The following SCN4A variants were observed in gnomAD, a reference collection of about 807,000 sequenced individuals.
SCN4A encodes the protein sodium channel protein type 4 subunit alpha.
Under a neutral mutation model 162.0 loss-of-function variants are expected in SCN4A, and 83 were observed. The ratio of observed to expected loss-of-function variants is 0.51; its 90% CI spans 0.43 to 0.61. SCN4A has a LOEUF of 0.61. SCN4A is among the 20% of genes least tolerant of loss of function. The pLI is 0.00. For missense variants in SCN4A, 2,196 were observed against 2,462.5 expected (o/e 0.89, Z 2.29); for synonymous variants, 944 against 985.1 (o/e 0.96, Z 0.78).
In SCN4A at chr17:63,961,181, G is replaced by GCCCCC; in HGVS notation, c.1845+11_1845+12insGGGGG. 1 of 382,308 alleles carries GCCCCC rather than the reference G, an allele frequency of 2.6e-6. No homozygotes were observed. The highest frequency in any genetic ancestry group is 2.2e-5 in the South Asian group (1 of 45,042). 23.7% of individuals were successfully genotyped at this position (382,308 alleles called of 1,614,324 possible). ...CTGCCCATGAATGATCCCCTCCCCC[G>GCCCCC]CCCCTCCCTACCAGGTTGCCCACAG... On this transcript the variant is annotated intron_variant, in intron 11 of 23. Coordinates refer to ENST00000435607, the MANE Select transcript of SCN4A (RefSeq NM_000334.4).
At chr17:63,971,912 G>GAC in intron 3 of SCN4A, 62 bp from the exon 4 acceptor site, 1 of 1,539,866 alleles carries the variant, frequency 6.5e-7, no homozygotes, top group South Asian at 1.1e-5. Flanking sequence ...GTGTGGCAAC[G>GAC]ACAGACCCCC....
intron 15 of SCN4A, 74 bp from the exon 16 acceptor site, chr17:63,948,839 G>C: frequency 2.9e-6 from 4 of 1,376,150 alleles, no homozygotes; most frequent in African/African-American, 1.4e-5. Context: ...CACAGTCAGC[G>C]CCCTCCCATG....
At chr17:63,948,795 C>A in intron 15 of SCN4A, 30 bp from the exon 16 acceptor site, 1 of 1,571,032 alleles carries the variant, frequency 6.4e-7, no homozygotes, top group Non-Finnish European at 8.7e-7. Context: ...CAGGGACAGG[C>A]ACCACATCAT....
Position 63,944,916 on chromosome 17 carries a change from C to A in SCN4A, c.3774+91G>T. ...ATCCACCCCCAGGGCTGCCAAGTCT[C>A]GGGGACAGAACGTGCTGCCAAGTCT... On this transcript the variant is annotated intron_variant, in intron 20 of 23. Transcript: ENST00000435607. This position sits in a 1 kb window ranked among gnomAD's most constrained non-coding sequence, Gnocchi z 4.3. 1 of 1,588,558 alleles carries A rather than the reference C, an allele frequency of 6.3e-7. No homozygotes were observed. The highest frequency in any genetic ancestry group is 1.3e-5 in the African/African-American group (1 of 74,436).
At position 63,945,653 on chromosome 17, in the gene SCN4A, G is replaced by T. The variant is rs763401184; in HGVS notation, c.3442-15C>A. 15 of 1,613,352 alleles carry T rather than the reference G, an allele frequency of 9.3e-6. No individual in the cohort carries two copies. The highest frequency in any genetic ancestry group is 2.7e-5 in the African/African-American group (2 of 74,866). Reference sequence around the variant, plus strand: ...TTCACCACCACCTGGGGGCCAGGGGGTCCATTGCCAGTGCCTCTCCCAGCC... The same window carrying T: ...TTCACCACCACCTGGGGGCCAGGGGTTCCATTGCCAGTGCCTCTCCCAGCC... On this transcript the variant is annotated splice_polypyrimidine_tract_variant and intron_variant, in intron 18 of 23. Transcript: ENST00000435607. This position sits in a 1 kb window ranked among gnomAD's most constrained non-coding sequence, Gnocchi z 4.4.
intron 11 of SCN4A, 94 bp downstream of exon 11, chr17:63,961,099 C>G: frequency 1.3e-6 from 1 of 776,730 alleles, no homozygotes; most frequent in Non-Finnish European, 2.2e-6. Context: ...TGTCCCCCAC[C>G]GTGCCCTATA....
intron 11 of SCN4A, among the ~76,000 whole-genome samples, chr17:63,960,182 G>A (rs1181397142): frequency 6.6e-6 from 1 of 152,216 alleles, no homozygotes; most frequent in Non-Finnish European, 1.5e-5. Context: ...GGCACATGCT[G>A]AGCCCCTCCC....
intron 5 of SCN4A, among the ~76,000 whole-genome samples, chr17:63,969,800 G>A (rs111680577): frequency 0.018 from 2,665 of 152,018 alleles, 83 homozygotes; most frequent in African/African-American, 0.06. Context: ...ATGCCACCAC[G>A]CCCAGCTAAT....
At chr17:63,947,508 C>G (rs1037196998) in intron 17 of SCN4A, among the ~76,000 whole-genome samples, 1 of 152,214 alleles carries the variant, frequency 6.6e-6, no homozygotes, top group African/African-American at 2.4e-5. Flanking sequence ...AATCCCAGCA[C>G]TTTGGGAGGC....
chr17:63,951,435 C>T lies in SCN4A; in HGVS notation c.2842G>A (p.Glu948Lys), dbSNP rs1555602255. ...CAGCCCCGGCTCACCTTGCTATCCT[C>T]AGGCTCTGAGAAAGTGTCGGTTTCC... is the stretch of plus-strand genomic sequence containing the variant. Reference protein sequence around the residue: ...EEETDTFSEPEDSKKPPQPLY... With the variant: ...EEETDTFSEPKDSKKPPQPLY... Residue 948 changes from glutamate (E) to lysine (K), a missense_variant, in exon 14 of 24, where the codon GAG becomes AAG. Transcript: ENST00000435607. This position sits in a 1 kb window ranked among gnomAD's most constrained non-coding sequence, Gnocchi z 4.5. 1 of 1,600,852 alleles carries T rather than the reference C, an allele frequency of 6.2e-7. No homozygotes were observed. The highest frequency in any genetic ancestry group is 8.5e-7 in the Non-Finnish European group (1 of 1,170,136).
Position 63,972,885 on chromosome 17 carries a change from T to A in SCN4A, c.-44A>T, listed in dbSNP as rs1909662907. 1.9e-6 allele frequency: 3 copies of A among 1,562,514 alleles called. No individual in the cohort carries two copies. Among genetic ancestry groups the A allele is most frequent in the Non-Finnish European group, 2.6e-6 (3 of 1,155,450 alleles). On this transcript the variant is annotated 5_prime_UTR_variant, in exon 1 of 24. Coordinates refer to ENST00000435607, the MANE Select transcript of SCN4A (RefSeq NM_000334.4). This position sits in a 1 kb window ranked among gnomAD's most constrained non-coding sequence, Gnocchi z 4.3. Reference sequence around the variant, plus strand: ...GAGACCAGAAGGGTGGTGGGTGGCCTGGGGAGCTGCAGTGCGCAGCCCCGG... The same window carrying A: ...GAGACCAGAAGGGTGGTGGGTGGCCAGGGGAGCTGCAGTGCGCAGCCCCGG...
At position 63,945,701 on chromosome 17, in the gene SCN4A, C is replaced by T; in HGVS notation, c.3442-63G>A. On this transcript the variant is annotated intron_variant, in intron 18 of 23. Coordinates refer to ENST00000435607, the MANE Select transcript of SCN4A (RefSeq NM_000334.4). The surrounding 1 kb of genome is among the most constrained non-coding windows in gnomAD (Gnocchi z 4.4). ...GCCTCTGAGAGAGGGCTCCACATCTCTACGCCACCCAGGGGACCAGGCAGA... is the reference window on the plus strand; with the variant it reads ...GCCTCTGAGAGAGGGCTCCACATCTTTACGCCACCCAGGGGACCAGGCAGA... 1.3e-6 allele frequency: 2 copies of T among 1,575,992 alleles called. No homozygotes were observed. The highest frequency in any genetic ancestry group is 1.7e-6 in the Non-Finnish European group (2 of 1,149,674).
At chr17:63,964,275 T>C (rs534338194) in intron 9 of SCN4A, among the ~76,000 whole-genome samples, 193 bp downstream of exon 9, 1 of 152,324 alleles carries the variant, frequency 6.6e-6, no homozygotes, top group Non-Finnish European at 1.5e-5. Context: ...AAATGCTTTT[T>C]CTACTGCTTG....
At chr17:63,949,311 C>G in intron 15 of SCN4A, 82 bp downstream of exon 15, 5 of 1,432,712 alleles carry the variant, frequency 3.5e-6, no homozygotes, top group Non-Finnish European at 4.6e-6. Context: ...GGTCCGTGTG[C>G]TTTTGGTCCT....
rs1038392410 is a variant in SCN4A at position 63,940,942 on chromosome 17, A to G, written c.5340T>C (p.Tyr1780=). The change falls in exon 24 of 24, where the codon TAT becomes TAC. Residue 1780 remains tyrosine (Y), a synonymous_variant. Transcript: ENST00000435607. The part of the protein sequence containing the change: ...GLLANTMSKM[Y]GHENGNSSSP... ...AGCTGCTGTTCCCATTCTCGTGGCC[A>G]TACATCTTGCTCATGGTGTTGGCAA... 1 of 1,613,920 alleles carries G rather than the reference A, an allele frequency of 6.2e-7. No homozygotes were observed. The highest frequency in any genetic ancestry group is 8.5e-7 in the Non-Finnish European group (1 of 1,179,840).
intron 8 of SCN4A, among the ~76,000 whole-genome samples, chr17:63,965,005 T>G (rs1204057441): frequency 6.6e-6 from 1 of 152,212 alleles, no homozygotes; most frequent in African/African-American, 2.4e-5. Context: ...TGGCACCTAG[T>G]AAGAACTCAA....
rs779308374 is a variant in SCN4A, at chr17:63,964,567, G to A, written c.1353C>T (p.Ala451=). The A allele has an allele frequency of 1.3e-5, 21 of 1,613,832 alleles. No homozygotes were observed. In the East Asian group the frequency reaches 1.6e-4, roughly 12 times the overall value. Residue 451 remains alanine (A), a synonymous_variant, in exon 9 of 24, where the codon GCC becomes GCT. Transcript: ENST00000435607. ...CGGCCAGGGTGGCCTCATTCTGCTC[G>A]GCATATGCCATGGCCACCACGGCCA... ...LILAVVAMAY[A]EQNEATLAED...
rs781767065 is a variant in SCN4A at position 63,944,996 on chromosome 17, C to A, written c.3774+11G>T. On this transcript the variant is annotated intron_variant, in intron 20 of 23. Transcript: ENST00000435607. This position sits in a 1 kb window ranked among gnomAD's most constrained non-coding sequence, Gnocchi z 4.3. ...TCGCTCACCAGCCACATCTCAGCGA[C>A]CCCGACTCACCTCCCGGGAGTCCAC... 1 of 1,613,532 alleles carries A rather than the reference C, an allele frequency of 6.2e-7. No individual in the cohort carries two copies. The highest frequency in any genetic ancestry group is 8.5e-7 in the Non-Finnish European group (1 of 1,179,536).
chr17:63,952,598 C>T (rs1329611153), intron 13 of SCN4A, among the ~76,000 whole-genome samples: 1 of 152,130 alleles, frequency 6.6e-6, no homozygotes, highest in African/African-American at 2.4e-5. Context: ...TTTATAGACC[C>T]CGCACTCCTG....
Sources: gnomAD v4.1 joint callset for allele counts (sites outside exome capture counted in the v4.1 genomes callset) on GRCh38, gnomAD v4.1.1 for gene constraint, Gnocchi (gnomAD v3.1) non-coding constraint, MANE v1.5 for transcripts, NCBI Gene and HGNC (gene_info 2026-07-23, HGNC 2026-07-21) for gene names.